Variants in PCCA observed in about 807,000 individuals in gnomAD.
PCCA encodes propionyl-CoA carboxylase subunit alpha, also known as propionyl-CoA carboxylase alpha chain, mitochondrial.
Under a neutral mutation model 101.3 loss-of-function variants are expected in PCCA, and 74 were observed. The ratio of observed to expected loss-of-function variants is 0.73; its 90% confidence interval spans 0.61 to 0.89. The LOEUF is 0.89. Ranked by LOEUF, PCCA falls within the 40% of genes least tolerant of loss-of-function variation. The probability of loss-of-function intolerance (pLI) is 0.00; values close to 1 mark genes in which losing one functional copy is unlikely to be tolerated. For synonymous variants in PCCA, 294 were observed against 313.6 expected (o/e 0.94, Z 0.66); for missense variants, 891 against 907.0 (o/e 0.98, Z 0.23).
chr13:100,245,694 G>T (rs1430606717), intron 8 of PCCA, among the ~76,000 whole-genome samples: 1 of 152,096 alleles, frequency 6.6e-6, no homozygotes. Flanking sequence ...TCATTGTGTG[G>T]CTTTGAAATT....
At chr13:100,156,405 T>A (rs1203944034) in intron 5 of PCCA, among the ~76,000 whole-genome samples, 1 of 152,188 alleles carries the variant, frequency 6.6e-6, no homozygotes, top group South Asian at 2.1e-4. Context: ...ACGTAGCTAT[T>A]TCTGGATTAT....
chr13:100,508,503 G>A (rs1385870428), intron 21 of PCCA, among the ~76,000 whole-genome samples: 2 of 152,210 alleles, frequency 1.3e-5, no homozygotes, highest in South Asian at 2.1e-4. Flanking sequence ...TGAAAGTGAC[G>A]CATTATGTCG....
chr13:100,449,404 T>G (rs887859605), intron 21 of PCCA, 99 bp downstream of exon 21: 2 of 665,582 alleles, frequency 3.0e-6, no homozygotes, highest in Non-Finnish European at 5.2e-6. Flanking sequence ...TACTGCTAGA[T>G]ATTTAAATTA....
chr13:100,203,727 T>C (rs1456120010), intron 6 of PCCA, among the ~76,000 whole-genome samples: 1 of 152,214 alleles, frequency 6.6e-6, no homozygotes, highest in African/African-American at 2.4e-5. Context: ...CTTGATATTT[T>C]ATTTCACTTA....
intron 2 of PCCA, among the ~76,000 whole-genome samples, chr13:100,109,897 C>A (rs373814142): frequency 6.6e-6 from 1 of 152,082 alleles, no homozygotes; most frequent in Non-Finnish European, 1.5e-5. Context: ...TTTGGGAGGC[C>A]GAGGCAGGCG....
At chr13:100,148,669 C>T (rs2052899929) in intron 4 of PCCA, among the ~76,000 whole-genome samples, 1 of 151,944 alleles carries the variant, frequency 6.6e-6, no homozygotes, top group African/African-American at 2.4e-5. Flanking sequence ...TGCATGCTTG[C>T]AAGACAAAGA....
At chr13:100,109,810 A>G (rs1312057592) in intron 2 of PCCA, among the ~76,000 whole-genome samples, 1 of 152,072 alleles carries the variant, frequency 6.6e-6, no homozygotes, top group East Asian at 1.9e-4. Flanking sequence ...TTCACTTCTG[A>G]GATTCTGGAC....
intron 4 of PCCA, among the ~76,000 whole-genome samples, chr13:100,127,767 G>A (rs780752578): frequency 8.6e-5 from 13 of 151,992 alleles, no homozygotes; most frequent in Non-Finnish European, 1.3e-4. Flanking sequence ...TGGTGGGTGC[G>A]TGTAGTCCCA....
intron 9 of PCCA, among the ~76,000 whole-genome samples, chr13:100,260,892 T>TAAAAAAAA (rs767024619): frequency 7.3e-6 from 1 of 137,380 alleles, no homozygotes. Flanking sequence ...AACCATCCTT[T>TAAAAAAAA]AAAAAAAAAA....
At chr13:100,485,927 C>T (rs754627114) in intron 21 of PCCA, among the ~76,000 whole-genome samples, 4 of 152,214 alleles carry the variant, frequency 2.6e-5, no homozygotes, top group Non-Finnish European at 4.4e-5. Flanking sequence ...GCCTTAGCAT[C>T]ATTGACAGCA....
chr13:100,214,856 A>G (rs374404906), intron 7 of PCCA, among the ~76,000 whole-genome samples: 10 of 152,328 alleles, frequency 6.6e-5, no homozygotes, highest in African/African-American at 2.4e-4. Context: ...CTGTTGGCAT[A>G]TAGGAATTCC....
At chr13:100,116,168 C>G (rs2048775994) in intron 4 of PCCA, among the ~76,000 whole-genome samples, 1 of 152,224 alleles carries the variant, frequency 6.6e-6, no homozygotes, top group Non-Finnish European at 1.5e-5. Flanking sequence ...TATGAAAAAG[C>G]CATGCTATTC....
chr13:100,528,554 T>C (rs2088062307), intron 23 of PCCA, among the ~76,000 whole-genome samples: 2 of 152,322 alleles, frequency 1.3e-5, no homozygotes, highest in South Asian at 4.1e-4. Context: ...GCTCTGTCAC[T>C]GCAGAAGGCA....
intron 16 of PCCA, among the ~76,000 whole-genome samples, chr13:100,323,317 CT>C (rs199524283): frequency 6.6e-4 from 97 of 146,340 alleles, no homozygotes; most frequent in East Asian, 2.0e-3. Context: ...GAGCTCCATT[CT>C]TTTTTTTTTT....
At chr13:100,212,692 C>A (rs1035070550) in intron 7 of PCCA, among the ~76,000 whole-genome samples, 13 of 152,084 alleles carry the variant, frequency 8.5e-5, no homozygotes, top group Non-Finnish European at 1.6e-4. Flanking sequence ...AAATTCTTCA[C>A]CTCAAGTATT....
chr13:100,455,741 C>T (rs1442092436), intron 21 of PCCA, among the ~76,000 whole-genome samples: 1 of 152,066 alleles, frequency 6.6e-6, no homozygotes. Flanking sequence ...CCTCTGTCAC[C>T]CAGGCTGGTG....
rs2058112728 is a variant in PCCA, at chr13:100,196,495, A to T, written c.469-12837A>T. On this transcript the variant is annotated intron_variant, in intron 6 of 23. Transcript: ENST00000376285. ...AAGTTACCACTGTTCTCTTTCCCTA[A>T]CTAAATACCGTACATAGCTATCATC... Among the ~76,000 whole-genome samples, 3 of 152,222 alleles carry T rather than the reference A, an allele frequency of 2.0e-5. No homozygotes were observed. The South Asian group carries it at 6.2e-4, about 32-fold the overall frequency.
intron 19 of PCCA, among the ~76,000 whole-genome samples, chr13:100,406,525 A>G (rs1020621577): frequency 6.6e-6 from 1 of 152,134 alleles, no homozygotes; most frequent in African/African-American, 2.4e-5. Flanking sequence ...ACCAACACGG[A>G]GAAACCCCAT....
chr13:100,279,981 A>G (rs1228009111), intron 12 of PCCA, among the ~76,000 whole-genome samples: 2 of 145,746 alleles, frequency 1.4e-5, no homozygotes, highest in African/African-American at 5.0e-5. Context: ...CACTTTTTCC[A>G]GCTTCAGAAC....
Sources: gnomAD v4.1 joint callset for allele counts (sites outside exome capture counted in the v4.1 genomes callset) on GRCh38, gnomAD v4.1.1 for gene constraint, MANE v1.5 for transcripts, NCBI Gene and HGNC (gene_info 2026-07-23, HGNC 2026-07-21) for gene names.